The following OSTC variants were observed in gnomAD, a reference collection of about 807,000 sequenced individuals.
OSTC encodes the protein oligosaccharyltransferase complex non-catalytic subunit.
In OSTC, 16 loss-of-function variants were observed where a neutral mutation model predicts 16.4. The ratio of observed to expected loss-of-function variants is 0.98; its 90% confidence interval spans 0.66 to 1.49. OSTC has a LOEUF of 1.49. OSTC is among the 40% of genes most tolerant of loss of function. OSTC has a pLI of 0.00. For synonymous variants in OSTC, 67 were observed against 68.5 expected, an observed-to-expected ratio of 0.98 and a Z score of 0.11; for missense variants, 139 against 186.3, an observed-to-expected ratio of 0.75 and a Z score of 1.48.
At chr4:108,653,147 C>T (rs559813689) in intron 1 of OSTC, among the ~76,000 whole-genome samples, 1 of 152,276 alleles carries the variant, frequency 6.6e-6, no homozygotes, top group South Asian at 2.1e-4. Context: ...ATCGCCTGAG[C>T]CTGGGAAGCT....
intron 3 of OSTC, among the ~76,000 whole-genome samples, chr4:108,659,511 G>C (rs1726798768): frequency 6.6e-6 from 1 of 152,072 alleles, no homozygotes. Context: ...GCTCATGCCT[G>C]TAATCCCAGC....
intron 3 of OSTC, among the ~76,000 whole-genome samples, chr4:108,660,862 T>A (rs1726838704): frequency 6.6e-6 from 1 of 152,350 alleles, no homozygotes. Flanking sequence ...CCTATTGATA[T>A]AATTTTACTA....
chr4:108,655,205 C>G (rs113419466), intron 1 of OSTC, among the ~76,000 whole-genome samples: 22,441 of 152,260 alleles, frequency 0.15, 2,046 homozygotes, highest in Middle Eastern at 0.22. Flanking sequence ...GTGGCTCACA[C>G]CTGTAATCCC....
At chr4:108,655,517 C>CA in intron 1 of OSTC, 47 bp from the exon 2 acceptor site, 1 of 1,240,760 alleles carries the variant, frequency 8.1e-7, no homozygotes, top group Non-Finnish European at 1.1e-6. Context: ...ATCCTGTTTT[C>CA]AAAAATTAGT....
chr4:108,659,218 G>C (rs1560624047), intron 3 of OSTC, among the ~76,000 whole-genome samples: 1 of 151,826 alleles, frequency 6.6e-6, no homozygotes, highest in Non-Finnish European at 1.5e-5. Context: ...TTGACTTCAT[G>C]ATCGACCCGC....
At chr4:108,660,918 G>A (rs1404611470) in intron 3 of OSTC, among the ~76,000 whole-genome samples, 1 of 151,996 alleles carries the variant, frequency 6.6e-6, no homozygotes, top group African/African-American at 2.4e-5. Context: ...AAGAAACGTC[G>A]AAAATGAATG....
rs1167404350 is a variant in OSTC, at chr4:108,663,803, T to C, written c.432-3444T>C. Among the ~76,000 whole-genome samples the C allele has an allele frequency of 2.0e-5, 3 of 152,238 alleles. No individual in the cohort carries two copies. In the South Asian group the frequency reaches 6.2e-4, roughly 31 times the overall value. ...TAACCTAGCACAGAGCTTGCCTTAA[T>C]ATACAGAGGCACTGAGTGATTATTG... On this transcript the variant is annotated intron_variant, in intron 3 of 3. Transcript: ENST00000361564.
At position 108,655,637 on chromosome 4, in the gene OSTC, A is replaced by G; in HGVS notation, c.213A>G (p.Pro71=). The G allele has an allele frequency of 6.2e-7, 1 of 1,607,780 alleles. No homozygotes were observed. Among genetic ancestry groups the G allele is most frequent in the Non-Finnish European group, 8.5e-7 (1 of 1,174,564 alleles). The change falls in exon 2 of 4, where the codon CCA becomes CCG. Residue 71 remains proline (P), a synonymous_variant. Transcript: ENST00000361564. The part of the protein sequence containing the change: ...SMTDEHGHQR[P]VAFLAYRVNG... ...CTGATGAACATGGGCATCAGAGGCCAGTAGCTTTCTTGGCCTACAGGTAAA... is the reference window on the plus strand; with the variant it reads ...CTGATGAACATGGGCATCAGAGGCCGGTAGCTTTCTTGGCCTACAGGTAAA...
chr4:108,656,923 C>T (rs987000698), intron 2 of OSTC, among the ~76,000 whole-genome samples: 1 of 152,016 alleles, frequency 6.6e-6, no homozygotes, highest in Non-Finnish European at 1.5e-5. Context: ...CCCGGTGAAA[C>T]CCTGTCTCCC....
At chr4:108,657,917 CTTTTTTTTTT>C (rs70949037) in intron 3 of OSTC, among the ~76,000 whole-genome samples, 949 of 67,238 alleles carry the variant, frequency 0.014, 9 homozygotes, top group African/African-American at 0.054. Context: ...GTCATTGTTT[CTTTTTTTTTT>C]TTTTTTTTTT....
intron 3 of OSTC, among the ~76,000 whole-genome samples, chr4:108,663,579 AG>A (rs1282029630): frequency 2.6e-5 from 4 of 152,242 alleles, no homozygotes; most frequent in Non-Finnish European, 5.9e-5. Flanking sequence ...GTAGTAGACC[AG>A]GAGTGAGGAG....
intron 2 of OSTC, among the ~76,000 whole-genome samples, chr4:108,656,131 T>C (rs1726695091): frequency 6.6e-6 from 1 of 152,212 alleles, no homozygotes; most frequent in African/African-American, 2.4e-5. Context: ...TACCCTGGTC[T>C]ATACCATTAA....
At position 108,667,315 on chromosome 4, in the gene OSTC, A is replaced by G. The variant is rs537516502; in HGVS notation, c.*50A>G. 5 of 1,519,760 alleles carry G rather than the reference A, an allele frequency of 3.3e-6. No homozygotes were observed. Among genetic ancestry groups the G allele is most frequent in the Admixed American group, 3.5e-5 (2 of 57,794 alleles). 94.1% of individuals were successfully genotyped at this position (1,519,760 alleles called of 1,614,324 possible). ...GATACTGGATTTGCTCCTGTCAATGAAGTTTTAAAGGCTGTACCAATCCTC... is the reference window on the plus strand; with the variant it reads ...GATACTGGATTTGCTCCTGTCAATGGAGTTTTAAAGGCTGTACCAATCCTC... On this transcript the variant is annotated 3_prime_UTR_variant, in exon 4 of 4. Transcript: ENST00000361564.
intron 3 of OSTC, among the ~76,000 whole-genome samples, chr4:108,664,229 A>T (rs1453368240): frequency 1.3e-5 from 2 of 152,186 alleles, no homozygotes; most frequent in East Asian, 1.9e-4. Flanking sequence ...TTTTCTATCT[A>T]AATATAGGTT....
chr4:108,653,985 G>A (rs1726624929), intron 1 of OSTC, among the ~76,000 whole-genome samples: 1 of 152,136 alleles, frequency 6.6e-6, no homozygotes, highest in African/African-American at 2.4e-5. Flanking sequence ...ATCCCTGAGG[G>A]CCTCCAACAT....
intron 3 of OSTC, among the ~76,000 whole-genome samples, chr4:108,660,638 C>G (rs1363790500): frequency 1.3e-5 from 2 of 152,182 alleles, no homozygotes; most frequent in Admixed American, 6.5e-5. Flanking sequence ...CCAATAGCCA[C>G]TGGTTTTTCC....
At chr4:108,658,971 C>CTTTTTTTTTTTTTTTTTTTTTTTT (rs766585998) in intron 3 of OSTC, among the ~76,000 whole-genome samples, 2 of 83,896 alleles carry the variant, frequency 2.4e-5, no homozygotes, top group African/African-American at 1.1e-4. Flanking sequence ...GGCAGCAGCT[C>CTTTTTTTTTTTTTTTTTTTTTTTT]TTTTTTTTTT....
intron 3 of OSTC, among the ~76,000 whole-genome samples, chr4:108,663,833 A>ATT (rs1272312833): frequency 6.6e-6 from 1 of 152,230 alleles, no homozygotes; most frequent in African/African-American, 2.4e-5. Flanking sequence ...TTATTGAAAG[A>ATT]ATGGCCTTAA....
intron 1 of OSTC, among the ~76,000 whole-genome samples, chr4:108,655,187 C>T (rs1040769313): frequency 5.3e-5 from 8 of 152,116 alleles, no homozygotes; most frequent in South Asian, 4.1e-4. Flanking sequence ...GAAACTTGGC[C>T]GGGTGCAGTG....
Sources: allele counts gnomAD v4.1 joint callset (sites outside exome capture counted in the v4.1 genomes callset), GRCh38; gene constraint gnomAD v4.1.1; transcripts MANE v1.5; gene names NCBI Gene and HGNC (gene_info 2026-07-23, HGNC 2026-07-21).